The following MELK variants were observed in gnomAD, a reference collection of about 807,000 sequenced individuals.
The protein encoded by MELK is maternal embryonic leucine zipper kinase.
Under a neutral mutation model 85.0 loss-of-function variants are expected in MELK, and 81 were observed. The ratio of observed to expected loss-of-function variants is 0.95; its 90% CI spans 0.80 to 1.15. MELK has a LOEUF of 1.15. Among genes scored for constraint, MELK ranks in the 50% most tolerant of loss-of-function variants. The pLI is 0.00. For synonymous variants in MELK, 252 were observed against 265.0 expected, an observed-to-expected ratio of 0.95 and a Z score of 0.48; for missense variants, 754 against 777.5, an observed-to-expected ratio of 0.97 and a Z score of 0.36.
intron 2 of MELK, 33 bp from the exon 3 acceptor site, chr9:36,583,594 G>C (rs1822495373): frequency 6.8e-7 from 1 of 1,471,058 alleles, no homozygotes; most frequent in Non-Finnish European, 9.4e-7. Context: ...CTGAGTCCTT[G>C]CTTATGCTTT....
At chr9:36,670,605 A>G (rs968418520) in intron 15 of MELK, among the ~76,000 whole-genome samples, 35 of 151,658 alleles carry the variant, frequency 2.3e-4, no homozygotes, top group African/African-American at 8.2e-4. Flanking sequence ...GTGTATATCT[A>G]TATACATATG....
chr9:36,577,627 T>G (rs143245988), intron 1 of MELK, among the ~76,000 whole-genome samples: 4,432 of 151,924 alleles, frequency 0.029, 214 homozygotes, highest in African/African-American at 0.1. Flanking sequence ...CCACTGCACC[T>G]GGCCTCGACT....
At chr9:36,624,843 G>A (rs1036057935) in intron 8 of MELK, among the ~76,000 whole-genome samples, 4 of 152,052 alleles carry the variant, frequency 2.6e-5, no homozygotes, top group African/African-American at 9.7e-5. Context: ...TTTTTATTAT[G>A]ATAGATCTGG....
chr9:36,636,728 A>ATTTATTTC (rs1298185778), intron 10 of MELK, among the ~76,000 whole-genome samples: 1 of 100,932 alleles, frequency 9.9e-6, no homozygotes, highest in East Asian at 3.0e-4. Flanking sequence ...TAGCAACTGG[A>ATTTATTTC]TTTCTTTCTT....
intron 8 of MELK, among the ~76,000 whole-genome samples, chr9:36,610,115 G>A (rs919223875): frequency 6.6e-6 from 1 of 152,138 alleles, no homozygotes; most frequent in African/African-American, 2.4e-5. Context: ...TGGGAGAGAC[G>A]TGGGGAGGAA....
chr9:36,671,132 A>G lies in MELK; in HGVS notation c.1640A>G (p.Lys547Arg), dbSNP rs1832851564. The change falls in exon 16 of 18, where the codon AAG becomes AGG. Residue 547 changes from lysine to arginine, a missense_variant. Physicochemically the swap from Lys to Arg is conservative, Grantham distance 26. Coordinates refer to ENST00000298048, the MANE Select transcript of MELK (RefSeq NM_014791.4). ...VITVLTRSKR[K>R]GSARDGPRRL... ...ACTGTGCTCACCAGGAGCAAAAGGA[A>G]GGGTTCTGCCAGAGACGGGCCCAGA... 5 of 1,610,368 alleles carry G rather than the reference A, an allele frequency of 3.1e-6. No individual in the cohort carries two copies. The highest frequency in any genetic ancestry group is 4.2e-6 in the Non-Finnish European group (5 of 1,178,200).
At chr9:36,595,071 C>A (rs1461011667) in intron 5 of MELK, among the ~76,000 whole-genome samples, 1 of 151,626 alleles carries the variant, frequency 6.6e-6, no homozygotes, top group Non-Finnish European at 1.5e-5. Context: ...AGATTACAGG[C>A]ACAGGGCACC....
At chr9:36,643,119 A>T in intron 11 of MELK, 36 bp downstream of exon 11, 3 of 1,565,730 alleles carry the variant, frequency 1.9e-6, no homozygotes, top group Non-Finnish European at 2.6e-6. Flanking sequence ...GCAGTGGCTC[A>T]CGCCTGTAAT....
intron 8 of MELK, among the ~76,000 whole-genome samples, chr9:36,624,986 A>G (rs369710839): frequency 6.6e-6 from 1 of 152,150 alleles, no homozygotes; most frequent in Non-Finnish European, 1.5e-5. Context: ...TAGATAGTGT[A>G]TGAGTTTCCT....
At chr9:36,644,632 G>A (rs572353540) in intron 11 of MELK, among the ~76,000 whole-genome samples, 2 of 152,172 alleles carry the variant, frequency 1.3e-5, no homozygotes, top group Admixed American at 1.3e-4. Flanking sequence ...AAAATTTGAA[G>A]TTTCCATTTA....
At chr9:36,636,348 C>G (rs977424624) in intron 10 of MELK, among the ~76,000 whole-genome samples, 4 of 151,732 alleles carry the variant, frequency 2.6e-5, no homozygotes, top group African/African-American at 9.7e-5. Flanking sequence ...AGTAAAAATA[C>G]AAAATCAGCT....
At chr9:36,618,835 A>G (rs1827113010) in intron 8 of MELK, among the ~76,000 whole-genome samples, 1 of 152,196 alleles carries the variant, frequency 6.6e-6, no homozygotes, top group South Asian at 2.1e-4. Flanking sequence ...TAGTGAGCGT[A>G]CTAGTGCCGA....
In MELK at chr9:36,666,902, TGTGTGA is replaced by T. The variant is rs1165339003; in HGVS notation, c.1408+1322_1408+1327del. On this transcript the variant is annotated intron_variant, in intron 14 of 17. Transcript: ENST00000298048. ...GTGTGTGTGTGTGTGTGTGTGTGTG[TGTGTGA>T]TGGTGTGTGTGTGGGGGGGTGCGGT... 7.4e-4 allele frequency among the ~76,000 whole-genome samples: 90 copies of T among 122,194 alleles called. No individual in the cohort carries two copies. The Middle Eastern group carries it at 0.017, about 23-fold the overall frequency. The allele number at this position is 122,194 out of a possible 152,430, so 80.2% of individuals were successfully genotyped here.
At chr9:36,574,997 G>A (rs1001187166) in intron 1 of MELK, among the ~76,000 whole-genome samples, 1 of 151,894 alleles carries the variant, frequency 6.6e-6, no homozygotes, top group Non-Finnish European at 1.5e-5. Context: ...TTAGCCGGGC[G>A]TGGTGGCGCA....
At chr9:36,643,795 G>T (rs1038641886) in intron 11 of MELK, among the ~76,000 whole-genome samples, 1 of 151,972 alleles carries the variant, frequency 6.6e-6, no homozygotes, top group Non-Finnish European at 1.5e-5. Flanking sequence ...TTAGCCGGGC[G>T]TTGTAGCAGA....
intron 8 of MELK, among the ~76,000 whole-genome samples, chr9:36,620,175 T>C (rs1352428672): frequency 2.0e-5 from 3 of 152,194 alleles, no homozygotes; most frequent in Admixed American, 2.0e-4. Flanking sequence ...CAATGAAATA[T>C]TGTTTCTCAG....
intron 4 of MELK, among the ~76,000 whole-genome samples, chr9:36,590,973 T>C (rs1211991566): frequency 2.6e-5 from 4 of 152,024 alleles, no homozygotes; most frequent in African/African-American, 7.2e-5. Context: ...GCACCTGTCA[T>C]TCCAGCTCCT....
At chr9:36,637,062 G>A (rs1053660707) in intron 10 of MELK, among the ~76,000 whole-genome samples, 4 of 151,898 alleles carry the variant, frequency 2.6e-5, no homozygotes, top group South Asian at 2.1e-4. Flanking sequence ...TCGATCTCCT[G>A]ACCTTGTTAT....
intron 3 of MELK, among the ~76,000 whole-genome samples, chr9:36,587,620 C>CT (rs1458851727): frequency 2.8e-4 from 42 of 148,078 alleles, no homozygotes; most frequent in African/African-American, 1.0e-3. Flanking sequence ...GCCCCCCCGC[C>CT]TTTTTTTTTC....
Sources: gnomAD v4.1 joint callset for allele counts (sites outside exome capture counted in the v4.1 genomes callset) on GRCh38, gnomAD v4.1.1 for gene constraint, MANE v1.5 for transcripts, NCBI Gene and HGNC (gene_info 2026-07-23, HGNC 2026-07-21) for gene names.